The following FZR1 variants were observed in gnomAD, a reference collection of about 807,000 sequenced individuals.
FZR1 encodes the protein fizzy and cell division cycle 20 related 1.
FZR1 carries 11 observed loss-of-function variants against 63.6 expected under a neutral mutation model. The observed-to-expected ratio is 0.17, with a 90% CI of 0.11 to 0.29. FZR1 has a LOEUF of 0.29. FZR1 is among the 10% of genes least tolerant of loss of function. The pLI is 1.00. For missense variants in FZR1, 440 were observed against 687.5 expected (o/e 0.64, Z 4.03); for synonymous variants, 328 against 297.9 (o/e 1.10, Z -1.04).
Position 3,533,299 on chromosome 19 carries a change from C to T in FZR1, c.1248C>T (p.Ser416=). The T allele has an allele frequency of 1.2e-6, 2 of 1,604,460 alleles. No homozygotes were observed. Among genetic ancestry groups the T allele is most frequent in the Middle Eastern group, 1.7e-4 (1 of 6,012 alleles). Residue 416 remains serine (S), a synonymous_variant, in exon 12 of 14, where the codon AGC becomes AGT. Transcript: ENST00000441788. The surrounding 1 kb of genome is among the most constrained non-coding windows in gnomAD (Gnocchi z 4.9). ...GCGCCCCCTCCGCCCTCCAGGTGAGCACGCACGGCTACTCACAGAACCAGA... is the reference window on the plus strand; with the variant it reads ...GCGCCCCCTCCGCCCTCCAGGTGAGTACGCACGGCTACTCACAGAACCAGA... ...AWSKHANELV[S]THGYSQNQIL...
At chr19:3,524,678 G>A (rs981880124) in intron 2 of FZR1, among the ~76,000 whole-genome samples, 14 of 152,106 alleles carry the variant, frequency 9.2e-5, no homozygotes, top group African/African-American at 3.4e-4. Context: ...CGGAGGTCAC[G>A]GTGTGGGCAG....
In FZR1 at chr19:3,512,882, G is replaced by A. The variant is rs2083033536; in HGVS notation, c.-35+6408G>A. 1.3e-5 allele frequency among the ~76,000 whole-genome samples: 2 copies of A among 152,206 alleles called. 1 individual carries two copies. The highest frequency in any genetic ancestry group is 4.1e-4 in the South Asian group (2 of 4,834). On this transcript the variant is annotated intron_variant, in intron 1 of 13. Coordinates refer to ENST00000441788, the MANE Select transcript of FZR1 (RefSeq NM_016263.4). ...AATGACACTCCTGGGCGCAGGGCAG[G>A]AGGCAAACCTCCCCAGAAACTCCCA...
intron 7 of FZR1, among the ~76,000 whole-genome samples, chr19:3,529,702 GGATGGGA>G (rs2083212790): frequency 2.9e-5 from 4 of 136,722 alleles, no homozygotes; most frequent in African/African-American, 7.8e-5. Context: ...ATGGTTGAGC[GGATGGGA>G]GAGCGGATGG....
Position 3,506,375 on chromosome 19 carries a change from C to G in FZR1, c.-134C>G, listed in dbSNP as rs999429800. The G allele has an allele frequency of 6.6e-6, 1 of 151,054 alleles. No individual in the cohort carries two copies. Among genetic ancestry groups the G allele is most frequent in the African/African-American group, 2.4e-5 (1 of 41,200 alleles). The allele number at this position is 151,054 out of a possible 1,614,324, so 9.4% of individuals were successfully genotyped here. A position where few individuals can be genotyped will look rare whatever the true frequency, so the allele number is the denominator to read the frequency against. ...CCCGGGATCCCGTCAGCGGCGGCCGCGGCCGGGCCTGCGGGAGCTGCGGAG... is the reference window on the plus strand; with the variant it reads ...CCCGGGATCCCGTCAGCGGCGGCCGGGGCCGGGCCTGCGGGAGCTGCGGAG... On this transcript the variant is annotated 5_prime_UTR_variant, in exon 1 of 14. Transcript: ENST00000441788.
chr19:3,532,057 G>C lies in FZR1; in HGVS notation c.970G>C (p.Asp324His), dbSNP rs1389905125. Residue 324 changes from aspartate (D) to histidine (H), a missense_variant, in exon 10 of 14, where the codon GAC (aspartate) becomes CAC (histidine). Asp to His is a moderately conservative substitution (Grantham distance 81). Around this residue, in one of 5 missense-constraint regions of FZR1, gnomAD observed 208 missense variants for 363.6 expected, o/e 0.57. Transcript: ENST00000441788. ...GGTGTGCGGGCTCAAGTGGTCCACAGACCACCAGCTCCTCGCCTCGGGGGG... is the reference window on the plus strand; with the variant it reads ...GGTGTGCGGGCTCAAGTGGTCCACACACCACCAGCTCCTCGCCTCGGGGGG... ...QEVCGLKWST[D>H]HQLLASGGND... is the part of the protein sequence containing the mutation. 6.5e-7 allele frequency: 1 copy of C among 1,529,540 alleles called. No homozygotes were observed. The allele number at this position is 1,529,540 out of a possible 1,614,324, so 94.7% of individuals were successfully genotyped here. A position where few individuals can be genotyped will look rare whatever the true frequency, so the allele number is the denominator to read the frequency against.
At chr19:3,507,918 G>A (rs1212054101) in intron 1 of FZR1, among the ~76,000 whole-genome samples, 1 of 152,254 alleles carries the variant, frequency 6.6e-6, no homozygotes, top group Non-Finnish European at 1.5e-5. Context: ...GCTGCCCGGC[G>A]CCTTGAGCAG....
intron 11 of FZR1, among the ~76,000 whole-genome samples, 169 bp downstream of exon 11, chr19:3,532,819 C>T (rs1051418360): frequency 2.6e-5 from 4 of 152,182 alleles, no homozygotes; most frequent in Non-Finnish European, 4.4e-5. Context: ...GGCAAGGCCC[C>T]TGGGCCTCAT....
Position 3,533,259 on chromosome 19 carries a change from C to G in FZR1, c.1243-35C>G. The G allele has an allele frequency of 7.6e-7, 1 of 1,320,896 alleles. No individual in the cohort carries two copies. The highest frequency in any genetic ancestry group is 1.1e-6 in the Non-Finnish European group (1 of 915,534). 81.8% of individuals were successfully genotyped at this position (1,320,896 alleles called of 1,614,324 possible). ...CAGGCATAGCACCCGGCCTCGTTGC[C>G]CCTCACCGACCGCAGCGCCCCCTCC... On this transcript the variant is annotated intron_variant, in intron 11 of 13. Transcript: ENST00000441788. This position sits in a 1 kb window ranked among gnomAD's most constrained non-coding sequence, Gnocchi z 4.9.
In FZR1 at chr19:3,516,388, ATC is replaced by A. The variant is rs1206684115; in HGVS notation, c.-34-6566_-34-6565del. Among the ~76,000 whole-genome samples, 1 of 151,960 alleles carries A rather than the reference ATC, an allele frequency of 6.6e-6. No homozygotes were observed. Among genetic ancestry groups the A allele is most frequent in the Non-Finnish European group, 1.5e-5 (1 of 67,988 alleles). On this transcript the variant is annotated intron_variant, in intron 1 of 13. Coordinates refer to ENST00000441788, the MANE Select transcript of FZR1 (RefSeq NM_016263.4). This position sits in a 1 kb window ranked among gnomAD's most constrained non-coding sequence, Gnocchi z 6.0. ...TGGCAGGTGCTTCCCTCAGTTTGTCATCTGTTTTTTAACTGTGTTGGTGGTGT... is the reference window on the plus strand; with the variant it reads ...TGGCAGGTGCTTCCCTCAGTTTGTCATGTTTTTTAACTGTGTTGGTGGTGT...
rs2083045083 is a variant in FZR1, at chr19:3,514,524, G to A, written c.-35+8050G>A. Among the ~76,000 whole-genome samples, 1 of 152,138 alleles carries A rather than the reference G, an allele frequency of 6.6e-6. No homozygotes were observed. Among genetic ancestry groups the A allele is most frequent in the Admixed American group, 6.5e-5 (1 of 15,282 alleles). Reference sequence around the variant, plus strand: ...CAGACATCACCATATATCATACCCTGGGGGCAGAATCACCCTGGTTAAGAC... The same window carrying A: ...CAGACATCACCATATATCATACCCTAGGGGCAGAATCACCCTGGTTAAGAC... On this transcript the variant is annotated intron_variant, in intron 1 of 13. Coordinates refer to ENST00000441788, the MANE Select transcript of FZR1 (RefSeq NM_016263.4). The surrounding 1 kb of genome is among the most constrained non-coding windows in gnomAD (Gnocchi z 4.2).
At chr19:3,511,860 CTT>C (rs1301231314) in intron 1 of FZR1, among the ~76,000 whole-genome samples, 3 of 152,158 alleles carry the variant, frequency 2.0e-5, no homozygotes, top group African/African-American at 7.2e-5. Context: ...TTGGCTGTGT[CTT>C]TGCGTTTGTA....
chr19:3,507,575 C>G (rs930030073), intron 1 of FZR1, among the ~76,000 whole-genome samples: 2 of 152,226 alleles, frequency 1.3e-5, no homozygotes, highest in East Asian at 3.9e-4. Flanking sequence ...TCATGCCTCT[C>G]CGTGGTGAGG....
At chr19:3,531,601 GA>G in intron 8 of FZR1, 112 bp from the exon 9 acceptor site, 1 of 708,570 alleles carries the variant, frequency 1.4e-6, no homozygotes, top group Non-Finnish European at 2.4e-6. Context: ...AGTCGTTAGG[GA>G]AACCGTCCCA....
chr19:3,530,365 T>A (rs184548955), intron 7 of FZR1, among the ~76,000 whole-genome samples: 67 of 129,230 alleles, frequency 5.2e-4, no homozygotes, highest in Non-Finnish European at 9.3e-4. Context: ...GGAGAGCGGA[T>A]GGGAGAGCGG....
chr19:3,512,847 G>A lies in FZR1; in HGVS notation c.-35+6373G>A, dbSNP rs150031705. Among the ~76,000 whole-genome samples the A allele has an allele frequency of 5.2e-4, 79 of 152,294 alleles. No homozygotes were observed. The Middle Eastern group carries it at 0.01, about 20-fold the overall frequency. On this transcript the variant is annotated intron_variant, in intron 1 of 13. Coordinates refer to ENST00000441788, the MANE Select transcript of FZR1 (RefSeq NM_016263.4). ...GGGATGAGGTGACGCTTGTGAAGCC[G>A]TGCTTCATAAATGACACTCCTGGGC...
At position 3,533,411 on chromosome 19, in the gene FZR1, C is replaced by G. The variant is rs2083267276; in HGVS notation, c.1347+13C>G. On this transcript the variant is annotated intron_variant, in intron 12 of 13. Coordinates refer to ENST00000441788, the MANE Select transcript of FZR1 (RefSeq NM_016263.4). The surrounding 1 kb of genome is among the most constrained non-coding windows in gnomAD (Gnocchi z 4.9). ...CGTGCTGTACCTGGTGAGTTCACGC[C>G]AGGCACTTCAAGGTGCCCCGGGATT... 5.8e-6 allele frequency: 9 copies of G among 1,548,856 alleles called. No individual in the cohort carries two copies. The highest frequency in any genetic ancestry group is 8.0e-6 in the Non-Finnish European group (9 of 1,121,786).
At chr19:3,513,944 C>G (rs2083040841) in intron 1 of FZR1, among the ~76,000 whole-genome samples, 1 of 152,156 alleles carries the variant, frequency 6.6e-6, no homozygotes, top group Non-Finnish European at 1.5e-5. Context: ...TCCTTTTGTC[C>G]GTTAAAGAGC....
chr19:3,532,439 G>T lies in FZR1; in HGVS notation c.1031G>T (p.Ser344Ile). The change falls in exon 11 of 14, where the codon AGC becomes ATC. Residue 344 changes from serine (S) to isoleucine (I), a missense_variant. Physicochemically the swap from Ser to Ile is moderately radical, Grantham distance 142 (BLOSUM62 -2). Around this residue, in one of 5 missense-constraint regions of FZR1, gnomAD observed 208 missense variants for 363.6 expected, o/e 0.57. Coordinates refer to ENST00000441788, the MANE Select transcript of FZR1 (RefSeq NM_016263.4). ...CAGCTGCTGGTCTGGAATCACTCGAGCCTGAGCCCCGTGCAGCAGTACACG... is the reference window on the plus strand; with the variant it reads ...CAGCTGCTGGTCTGGAATCACTCGATCCTGAGCCCCGTGCAGCAGTACACG... ...DNKLLVWNHS[S>I]LSPVQQYTEH... 1 of 1,594,534 alleles carries T rather than the reference G, an allele frequency of 6.3e-7. No individual in the cohort carries two copies. The highest frequency in any genetic ancestry group is 1.1e-5 in the South Asian group (1 of 90,114).
chr19:3,534,758 G>T (rs374867924), intron 13 of FZR1, 37 bp from the exon 14 acceptor site: 3 of 1,601,684 alleles, frequency 1.9e-6, no homozygotes, highest in Middle Eastern at 1.7e-4. Context: ...CCCTGGGCCT[G>T]CGGCTCAGCG....
Sources: allele counts gnomAD v4.1 joint callset (sites outside exome capture counted in the v4.1 genomes callset), GRCh38; gene constraint gnomAD v4.1.1; regional missense constraint gnomAD v4.1.1; non-coding constraint Gnocchi (gnomAD v3.1); transcripts MANE v1.5; gene names NCBI Gene and HGNC (gene_info 2026-07-23, HGNC 2026-07-21).